The following PRKACB variants were observed in gnomAD, a reference collection of about 807,000 sequenced individuals.
PRKACB encodes protein kinase cAMP-activated catalytic subunit beta, also known as cAMP-dependent protein kinase catalytic subunit beta.
In PRKACB, 16 loss-of-function variants were observed where a neutral mutation model predicts 51.4. The ratio of observed to expected loss-of-function variants is 0.31; its 90% confidence interval spans 0.21 to 0.47. The LOEUF (loss-of-function observed/expected upper bound fraction) is 0.47. PRKACB is among the 20% of genes least tolerant of loss of function. The pLI is 1.00. For synonymous variants in PRKACB, 147 were observed against 154.4 expected (o/e 0.95, Z 0.35); for missense variants, 309 against 464.5 (o/e 0.67, Z 3.08).
At chr1:84,184,694 T>G (rs1159160808) in intron 4 of PRKACB, among the ~76,000 whole-genome samples, 1 of 151,952 alleles carries the variant, frequency 6.6e-6, no homozygotes, top group Non-Finnish European at 1.5e-5. Context: ...ATTCTTTAAA[T>G]TAAATGAAGA....
At chr1:84,088,232 GTTATA>G (rs1331962474) in intron 1 of PRKACB, among the ~76,000 whole-genome samples, 2 of 152,140 alleles carry the variant, frequency 1.3e-5, no homozygotes, top group Non-Finnish European at 2.9e-5. Context: ...ATAGTTTAAT[GTTATA>G]TTCACTGTTG....
At chr1:84,123,465 A>G (rs1403844070) in intron 1 of PRKACB, among the ~76,000 whole-genome samples, 1 of 152,166 alleles carries the variant, frequency 6.6e-6, no homozygotes, top group African/African-American at 2.4e-5. Flanking sequence ...TATGTACAAC[A>G]ACAAAGTACT....
In PRKACB at chr1:84,197,191, A is replaced by C. The variant is rs1228800357; in HGVS notation, c.687+449A>C. Among the ~76,000 whole-genome samples, 4 of 152,194 alleles carry C rather than the reference A, an allele frequency of 2.6e-5. 1 individual carries two copies. In the East Asian group the frequency reaches 5.8e-4, roughly 22 times the overall value. ...CCTAGGCAGTCTGATCCCAGAGTCC[A>C]TGCCCTTTACGACTACAATATAACT... On this transcript the variant is annotated intron_variant, in intron 6 of 9. Coordinates refer to ENST00000370685, the MANE Select transcript of PRKACB (RefSeq NM_182948.4).
chr1:84,117,377 T>C (rs1040457216), intron 1 of PRKACB, among the ~76,000 whole-genome samples: 2 of 152,166 alleles, frequency 1.3e-5, no homozygotes, highest in Admixed American at 6.5e-5. Context: ...GGAAGATTGG[T>C]ATTAGTTATC....
intron 1 of PRKACB, among the ~76,000 whole-genome samples, chr1:84,156,772 G>A (rs1258237269): frequency 6.6e-6 from 1 of 152,022 alleles, no homozygotes; most frequent in Non-Finnish European, 1.5e-5. Context: ...TAAATATCTG[G>A]ACTTTCATAT....
chr1:84,187,748 T>G (rs1665599869), intron 5 of PRKACB, among the ~76,000 whole-genome samples: 1 of 152,126 alleles, frequency 6.6e-6, no homozygotes, highest in African/African-American at 2.4e-5. Context: ...TAGTTATTCT[T>G]TAGAAAAAAC....
chr1:84,086,622 A>G (rs1377404765), intron 1 of PRKACB, among the ~76,000 whole-genome samples: 1 of 152,218 alleles, frequency 6.6e-6, no homozygotes, highest in Non-Finnish European at 1.5e-5. Context: ...TTGTAAAAAG[A>G]AAAAGAAAAA....
intron 1 of PRKACB, among the ~76,000 whole-genome samples, chr1:84,102,083 G>C (rs1417215697): frequency 6.6e-6 from 1 of 151,860 alleles, no homozygotes; most frequent in Non-Finnish European, 1.5e-5. Flanking sequence ...TATTTAGACT[G>C]AAAGGCTTAT....
At chr1:84,204,846 T>C in intron 8 of PRKACB, 3 of 983,312 alleles carry the variant, frequency 3.1e-6, no homozygotes, top group Non-Finnish European at 3.6e-6. Flanking sequence ...AAAATTAATG[T>C]GTCTTCATTT....
intron 1 of PRKACB, among the ~76,000 whole-genome samples, chr1:84,152,195 G>A (rs998365831): frequency 2.6e-5 from 4 of 152,130 alleles, no homozygotes; most frequent in Admixed American, 2.0e-4. Flanking sequence ...TTTCTGAGTG[G>A]TTCCCAATGG....
intron 1 of PRKACB, among the ~76,000 whole-genome samples, chr1:84,111,194 A>AT (rs1475932427): frequency 1.3e-5 from 2 of 151,880 alleles, no homozygotes; most frequent in Admixed American, 6.6e-5. Context: ...ATCTTGTTTC[A>AT]TTTTTTCCCT....
At chr1:84,130,225 C>G (rs1428750972) in intron 1 of PRKACB, among the ~76,000 whole-genome samples, 1 of 145,590 alleles carries the variant, frequency 6.9e-6, no homozygotes, top group African/African-American at 2.5e-5. Flanking sequence ...GAGAAACTCT[C>G]TTTCTCTAAT....
chr1:84,115,568 T>C (rs946353929), intron 1 of PRKACB, among the ~76,000 whole-genome samples: 7 of 151,952 alleles, frequency 4.6e-5, no homozygotes, highest in Non-Finnish European at 1.0e-4. Flanking sequence ...GTTGCCTGTA[T>C]TTTTGAGGTC....
intron 1 of PRKACB, among the ~76,000 whole-genome samples, chr1:84,116,495 A>G (rs1411333885): frequency 1.3e-5 from 2 of 151,726 alleles, no homozygotes; most frequent in Non-Finnish European, 2.9e-5. Flanking sequence ...TTCATCTTCA[A>G]TTTCTTTTAT....
intron 9 of PRKACB, among the ~76,000 whole-genome samples, chr1:84,224,904 G>A (rs1047831472): frequency 2.0e-5 from 3 of 152,212 alleles, no homozygotes; most frequent in Non-Finnish European, 2.9e-5. Context: ...GTACCTGTGG[G>A]TGCAGGCTGT....
chr1:84,218,101 T>G (rs1426314827), intron 9 of PRKACB, among the ~76,000 whole-genome samples: 6 of 152,242 alleles, frequency 3.9e-5, no homozygotes, highest in Admixed American at 3.9e-4. Context: ...CAAAGCTGGG[T>G]ATTTAGCATA....
At chr1:84,104,351 C>CAT (rs1317685978) in intron 1 of PRKACB, among the ~76,000 whole-genome samples, 2 of 152,048 alleles carry the variant, frequency 1.3e-5, no homozygotes, top group South Asian at 4.2e-4. Context: ...TGTTTATATA[C>CAT]ATATATATAC....
chr1:84,179,293 G>T (rs1239067156), intron 2 of PRKACB, 55 bp downstream of exon 2: 12 of 1,466,152 alleles, frequency 8.2e-6, no homozygotes, highest in African/African-American at 1.4e-5. Flanking sequence ...ATAAAATCAG[G>T]ATTCTTGCCT....
chr1:84,182,511 C>A (rs996100936), intron 3 of PRKACB, among the ~76,000 whole-genome samples, 183 bp downstream of exon 3: 1 of 151,994 alleles, frequency 6.6e-6, no homozygotes, highest in Non-Finnish European at 1.5e-5. Context: ...ATACAGTCAG[C>A]CCTTCCATAT....
Sources: gnomAD v4.1 joint callset for allele counts (sites outside exome capture counted in the v4.1 genomes callset) on GRCh38, gnomAD v4.1.1 for gene constraint, MANE v1.5 for transcripts, NCBI Gene and HGNC (gene_info 2026-07-23, HGNC 2026-07-21) for gene names.